The following PRKCA variants were observed in gnomAD, a reference collection of about 807,000 sequenced individuals.
PRKCA encodes protein kinase C alpha.
Under a neutral mutation model 87.0 loss-of-function variants are expected in PRKCA, and 27 were observed. The observed-to-expected ratio is 0.31, with a 90% CI of 0.23 to 0.43. The LOEUF (loss-of-function observed/expected upper bound fraction) is 0.43. Among genes scored for constraint, PRKCA ranks in the 20% least tolerant of loss-of-function variants. The pLI, the probability that PRKCA is intolerant of heterozygous loss-of-function variation, is 1.00. For missense variants in PRKCA, 518 were observed against 852.3 expected, an observed-to-expected ratio of 0.61 and a Z score of 4.88; for synonymous variants, 329 against 311.1, an observed-to-expected ratio of 1.06 and a Z score of -0.61.
chr17:66,712,420 G>C (rs1199395595), intron 8 of PRKCA, among the ~76,000 whole-genome samples: 1 of 152,186 alleles, frequency 6.6e-6, no homozygotes, highest in African/African-American at 2.4e-5. Flanking sequence ...AGAAACATCT[G>C]AATCACAGAG....
intron 2 of PRKCA, among the ~76,000 whole-genome samples, chr17:66,426,691 C>A (rs187459328): frequency 2.0e-5 from 3 of 152,284 alleles, no homozygotes; most frequent in South Asian, 4.2e-4. Context: ...TTGAGACAGT[C>A]GTGGGAATAC....
intron 3 of PRKCA, among the ~76,000 whole-genome samples, chr17:66,576,372 C>T (rs1969238066): frequency 6.6e-6 from 1 of 152,172 alleles, no homozygotes; most frequent in Non-Finnish European, 1.5e-5. Flanking sequence ...GGGTTTTGGC[C>T]TCTTGAAATT....
Position 66,774,074 on chromosome 17 carries a change from T to C in PRKCA, c.1605+7T>C. On this transcript the variant is annotated splice_region_variant and intron_variant, in intron 14 of 16. Transcript: ENST00000413366. The stretch of plus-strand genomic sequence containing the variant: ...TGAAATGCTTGCCGGGCAGGTAATG[T>C]TTTGCTACATTTTCATGTTTGTTTA... The C allele has an allele frequency of 6.2e-7, 1 of 1,613,980 alleles. No individual in the cohort carries two copies. The highest frequency in any genetic ancestry group is 8.5e-7 in the Non-Finnish European group (1 of 1,179,976).
At chr17:66,348,090 C>T (rs370471867) in intron 2 of PRKCA, among the ~76,000 whole-genome samples, 6 of 151,644 alleles carry the variant, frequency 4.0e-5, no homozygotes, top group South Asian at 2.1e-4. Flanking sequence ...TACAGGCACA[C>T]GCCACCACGC....
chr17:66,305,636 G>A (rs1408329502), intron 1 of PRKCA, among the ~76,000 whole-genome samples: 2 of 152,184 alleles, frequency 1.3e-5, no homozygotes, highest in Admixed American at 6.5e-5. Flanking sequence ...GCAGTTTCTA[G>A]ACATGTGATA....
chr17:66,699,210 CAAA>C (rs59337509), intron 8 of PRKCA, among the ~76,000 whole-genome samples: 7,704 of 105,576 alleles, frequency 0.073, 210 homozygotes, highest in East Asian at 0.18. Context: ...GACTGTCTCT[CAAA>C]AAAAAAAAAA....
chr17:66,714,141 G>C (rs1036793679), intron 8 of PRKCA, among the ~76,000 whole-genome samples: 3 of 152,096 alleles, frequency 2.0e-5, no homozygotes, highest in Non-Finnish European at 4.4e-5. Flanking sequence ...CGGTGGTGAA[G>C]TGATCCGATC....
intron 3 of PRKCA, among the ~76,000 whole-genome samples, chr17:66,523,415 T>C (rs1967237971): frequency 1.3e-5 from 2 of 152,172 alleles, no homozygotes; most frequent in African/African-American, 4.8e-5. Context: ...GAGCAGGGCA[T>C]TTAACCTCTC....
In PRKCA at chr17:66,406,585, G is replaced by GTTTTTTTTTTTTTTTTTTTTTTTTT. The variant is rs71160568; in HGVS notation, c.206-89592_206-89591insTTTTTTTTTTTTTTTTTTTTTTTTT. Among the ~76,000 whole-genome samples the GTTTTTTTTTTTTTTTTTTTTTTTTT allele has an allele frequency of 2.4e-3, 168 of 70,170 alleles. 36 individuals are homozygous for GTTTTTTTTTTTTTTTTTTTTTTTTT. The highest frequency in any genetic ancestry group is 3.4e-3 in the Non-Finnish European group (123 of 36,592). 46.0% of individuals were successfully genotyped at this position (70,170 alleles called of 152,430 possible). A position where few individuals can be genotyped will look rare whatever the true frequency, so the allele number is the denominator to read the frequency against. On this transcript the variant is annotated intron_variant, in intron 2 of 16. Transcript: ENST00000413366. ...TCATGTAGCATTGTAGCTTTTCCAG[G>GTTTTTTTTTTTTTTTTTTTTTTTTT]TTTTTTTTTTTTTTTTTTTTTTTTA...
chr17:66,706,497 G>A (rs1034675633), intron 8 of PRKCA, among the ~76,000 whole-genome samples: 7 of 148,308 alleles, frequency 4.7e-5, no homozygotes, highest in African/African-American at 1.5e-4. Context: ...AAAAAAATTA[G>A]CCAGGCATGA....
rs549353432 is a variant in PRKCA, at chr17:66,624,608, G to A, written c.289-16747G>A. Reference sequence around the variant, plus strand: ...TTGAGGTCAAGAGTTTGAGACCAGCGTGGCCAACGTGGTGAAACCCCCTCT... The same window carrying A: ...TTGAGGTCAAGAGTTTGAGACCAGCATGGCCAACGTGGTGAAACCCCCTCT... On this transcript the variant is annotated intron_variant, in intron 3 of 16. Transcript: ENST00000413366. Among the ~76,000 whole-genome samples, 12 of 152,072 alleles carry A rather than the reference G, an allele frequency of 7.9e-5. No individual in the cohort carries two copies. In the South Asian group the frequency reaches 2.1e-3, roughly 26 times the overall value.
At position 66,314,928 on chromosome 17, in the gene PRKCA, T is replaced by C. The variant is rs185131297; in HGVS notation, c.205+8801T>C. 5.4e-5 allele frequency among the ~76,000 whole-genome samples: 7 copies of C among 129,164 alleles called. No homozygotes were observed. The East Asian group carries it at 1.6e-3, about 29-fold the overall frequency. 84.7% of individuals were successfully genotyped at this position (129,164 alleles called of 152,430 possible). A position where few individuals can be genotyped will look rare whatever the true frequency, so the allele number is the denominator to read the frequency against. On this transcript the variant is annotated intron_variant, in intron 2 of 16. Coordinates refer to ENST00000413366, the MANE Select transcript of PRKCA (RefSeq NM_002737.3). ...ATGTATGTATGTGTATATGTGTGTA[T>C]ATATATGTGTGTGTGTATGTGTATG...
intron 5 of PRKCA, among the ~76,000 whole-genome samples, chr17:66,656,795 AT>A (rs1363129632): frequency 6.6e-6 from 1 of 152,124 alleles, no homozygotes; most frequent in African/African-American, 2.4e-5. Flanking sequence ...AAATGCAGAA[AT>A]TTTTTTCCTC....
At chr17:66,740,068 A>C (rs149369787) in intron 11 of PRKCA, among the ~76,000 whole-genome samples, 447 of 152,274 alleles carry the variant, frequency 2.9e-3, no homozygotes, top group South Asian at 5.6e-3. Context: ...CTTATTGACT[A>C]TGGAGGAGAG....
At chr17:66,451,343 AATTTATTTATTTATTTATTTATTT>A (rs60875203) in intron 2 of PRKCA, among the ~76,000 whole-genome samples, 2 of 144,872 alleles carry the variant, frequency 1.4e-5, no homozygotes, top group Non-Finnish European at 3.0e-5. Flanking sequence ...ACGGAGTTAG[AATTTATTTATTTATTTATTTATTT>A]ATTTATTTAT....
At chr17:66,387,500 G>C (rs1910129699) in intron 2 of PRKCA, among the ~76,000 whole-genome samples, 1 of 152,220 alleles carries the variant, frequency 6.6e-6, no homozygotes, top group African/African-American at 2.4e-5. Context: ...ATCTTTTGTG[G>C]AGGCTCCTGA....
chr17:66,748,768 A>G (rs1397575824), intron 13 of PRKCA, among the ~76,000 whole-genome samples: 1 of 151,932 alleles, frequency 6.6e-6, no homozygotes, highest in Non-Finnish European at 1.5e-5. Flanking sequence ...AGGAAGCATC[A>G]TTTACGTGGC....
At chr17:66,441,888 T>C (rs1187001085) in intron 2 of PRKCA, among the ~76,000 whole-genome samples, 1 of 152,138 alleles carries the variant, frequency 6.6e-6, no homozygotes, top group East Asian at 1.9e-4. Flanking sequence ...GAGATGTTTA[T>C]ACCACGGCAT....
At chr17:66,765,296 C>T (rs1974772582) in intron 13 of PRKCA, among the ~76,000 whole-genome samples, 1 of 150,774 alleles carries the variant, frequency 6.6e-6, no homozygotes, top group African/African-American at 2.4e-5. Context: ...GCCTATAATC[C>T]CAGCTACTCG....
Sources: allele counts gnomAD v4.1 joint callset (sites outside exome capture counted in the v4.1 genomes callset), GRCh38; gene constraint gnomAD v4.1.1; transcripts MANE v1.5; gene names NCBI Gene and HGNC (gene_info 2026-07-23, HGNC 2026-07-21).